NAMPT: variants seen among roughly 807,000 people sequenced by gnomAD.
NAMPT encodes nicotinamide phosphoribosyltransferase.
A neutral mutation model predicts 58.7 loss-of-function variants in NAMPT; 7 were observed. The ratio of observed to expected loss-of-function variants is 0.12; its 90% CI spans 0.07 to 0.22. The LOEUF (loss-of-function observed/expected upper bound fraction) is 0.22, where lower values mean the gene tolerates loss of function less well. Ranked by LOEUF, NAMPT falls within the 10% of genes least tolerant of loss-of-function variation. The probability of loss-of-function intolerance (pLI) is 1.00; values close to 1 mark genes in which losing one functional copy is unlikely to be tolerated. For synonymous variants in NAMPT, 145 were observed against 198.1 expected (o/e 0.73, Z 2.25); for missense variants, 271 against 567.9 (o/e 0.48, Z 5.31).
At chr7:106,252,353 A>G (rs1407561965) in intron 10 of NAMPT, among the ~76,000 whole-genome samples, 1 of 152,112 alleles carries the variant, frequency 6.6e-6, no homozygotes, top group Non-Finnish European at 1.5e-5. Context: ...TAACAAAGTT[A>G]TTTCAATTCT....
upstream of NAMPT, chr7:106,285,005 G>GAGAGGGGGAAACGGAGAGAGGGGA: frequency 1.4e-6 from 2 of 1,455,640 alleles, no homozygotes; most frequent in Non-Finnish European, 1.8e-6. Flanking sequence ...GGAGGAGGGG[G>GAGAGGGGGAAACGGAGAGAGGGGA]AGAGGGGGAA....
In NAMPT at chr7:106,254,416, T is replaced by A; in HGVS notation, c.1178A>T (p.Asp393Val). 1 of 1,613,938 alleles carries A rather than the reference T, an allele frequency of 6.2e-7. No individual in the cohort carries two copies. The highest frequency in any genetic ancestry group is 8.5e-7 in the Non-Finnish European group (1 of 1,179,848). ...GGGLLQKLTR[D>V]LLNCSFKCSY... ...ACACTTGAAGGAACAATTCAAGAGATCTCTTGTCAACTTCTGTAGCAAACC... is the reference window on the plus strand; with the variant it reads ...ACACTTGAAGGAACAATTCAAGAGAACTCTTGTCAACTTCTGTAGCAAACC... Residue 393 changes from aspartate (D) to valine (V), a missense_variant, in exon 9 of 11, where the codon GAT becomes GTT. Physicochemically the swap from Asp to Val is radical, Grantham distance 152. Coordinates refer to ENST00000222553, the MANE Select transcript of NAMPT (RefSeq NM_005746.3).
chr7:106,267,878 A>C lies in NAMPT; in HGVS notation c.743+586T>G, dbSNP rs1401153166. Among the ~76,000 whole-genome samples the C allele has an allele frequency of 3.0e-5, 4 of 131,166 alleles. No homozygotes were observed. The Admixed American group carries it at 3.1e-4, about 10-fold the overall frequency. 86.0% of individuals were successfully genotyped at this position (131,166 alleles called of 152,430 possible). A position where few individuals can be genotyped will look rare whatever the true frequency, so the allele number is the denominator to read the frequency against. On this transcript the variant is annotated intron_variant, in intron 6 of 10. Coordinates refer to ENST00000222553, the MANE Select transcript of NAMPT (RefSeq NM_005746.3). Reference sequence around the variant, plus strand: ...AAAAAAAAAAAAAAAAAAAAAAAACAACCTGATTTACTTTTAATAAAGTTA... The same window carrying C: ...AAAAAAAAAAAAAAAAAAAAAAAACCACCTGATTTACTTTTAATAAAGTTA...
chr7:106,251,711 A>T (rs1304973449), intron 10 of NAMPT, among the ~76,000 whole-genome samples: 1 of 152,158 alleles, frequency 6.6e-6, no homozygotes, highest in African/African-American at 2.4e-5. Flanking sequence ...AGAAACAAAG[A>T]AAAACAAGTA....
At chr7:106,268,854 C>T (rs181706888) in intron 5 of NAMPT, among the ~76,000 whole-genome samples, 6 of 152,320 alleles carry the variant, frequency 3.9e-5, no homozygotes, top group Non-Finnish European at 8.8e-5. Flanking sequence ...CTTTTCATCA[C>T]TCTCTCTTCC....
At chr7:106,263,816 G>A (rs1034991948) in intron 6 of NAMPT, among the ~76,000 whole-genome samples, 199 bp from the exon 7 acceptor site, 24 of 151,960 alleles carry the variant, frequency 1.6e-4, no homozygotes, top group African/African-American at 5.6e-4. Context: ...AGTTTTTAAC[G>A]CTTTAAGTAG....
intron 5 of NAMPT, among the ~76,000 whole-genome samples, 198 bp downstream of exon 5, chr7:106,268,956 A>G (rs1002792693): frequency 1.3e-5 from 2 of 152,138 alleles, no homozygotes; most frequent in Non-Finnish European, 2.9e-5. Context: ...CATCTAATAT[A>G]TAAAGGACAG....
intron 8 of NAMPT, among the ~76,000 whole-genome samples, chr7:106,258,035 A>C (rs1423511271): frequency 6.6e-6 from 1 of 152,194 alleles, no homozygotes; most frequent in East Asian, 1.9e-4. Flanking sequence ...GTGTCAGCTG[A>C]GATTGCTATG....
In NAMPT at chr7:106,250,354, T is replaced by G. The variant is rs1487748697; in HGVS notation, c.*729A>C. 2.0e-5 allele frequency: 3 copies of G among 152,398 alleles called. No individual in the cohort carries two copies. The highest frequency in any genetic ancestry group is 7.2e-5 in the African/African-American group (3 of 41,408). The allele number at this position is 152,398 out of a possible 1,614,324, so 9.4% of individuals were successfully genotyped here. A position where few individuals can be genotyped will look rare whatever the true frequency, so the allele number is the denominator to read the frequency against. ...ACATATAAAATTGCAGTACAGGCCTTTCAAATTTGGCATTTCACTGGTACA... is the reference window on the plus strand; with the variant it reads ...ACATATAAAATTGCAGTACAGGCCTGTCAAATTTGGCATTTCACTGGTACA... On this transcript the variant is annotated 3_prime_UTR_variant, in exon 11 of 11. Coordinates refer to ENST00000222553, the MANE Select transcript of NAMPT (RefSeq NM_005746.3).
At chr7:106,277,237 AC>A in intron 1 of NAMPT, 58 bp from the exon 2 acceptor site, 1 of 1,393,052 alleles carries the variant, frequency 7.2e-7, no homozygotes, top group Non-Finnish European at 9.9e-7. Flanking sequence ...ATAAATCACA[AC>A]AGAAAAGGCT....
rs190005829 is a variant in NAMPT at position 106,279,401 on chromosome 7, T to C, written c.58-2222A>G. Among the ~76,000 whole-genome samples the C allele has an allele frequency of 1.8e-3, 268 of 148,872 alleles. 1 individual carries two copies. The highest frequency in any genetic ancestry group is 6.1e-3 in the African/African-American group (253 of 41,324). ...AACACCCAACAAGTTTACAGAAGAATACAGAGCATGTTTAGGTCTACTTAT... is the reference window on the plus strand; with the variant it reads ...AACACCCAACAAGTTTACAGAAGAACACAGAGCATGTTTAGGTCTACTTAT... On this transcript the variant is annotated intron_variant, in intron 1 of 10. Coordinates refer to ENST00000222553, the MANE Select transcript of NAMPT (RefSeq NM_005746.3).
chr7:106,252,541 C>CA (rs1792121607), intron 10 of NAMPT, among the ~76,000 whole-genome samples: 1 of 151,682 alleles, frequency 6.6e-6, no homozygotes, highest in Non-Finnish European at 1.5e-5. Context: ...GCTTAAAAAC[C>CA]AAAAATTTTT....
At chr7:106,274,327 A>T (rs781751426) in intron 3 of NAMPT, among the ~76,000 whole-genome samples, 3 of 152,048 alleles carry the variant, frequency 2.0e-5, no homozygotes, top group Non-Finnish European at 4.4e-5. Flanking sequence ...TCTTTCTCAA[A>T]AATGTTATTT....
chr7:106,252,965 T>C, intron 10 of NAMPT, 52 bp downstream of exon 10: 1 of 1,573,646 alleles, frequency 6.4e-7, no homozygotes, highest in Non-Finnish European at 8.6e-7. Context: ...CTTATTAATT[T>C]GGTGAGCCAA....
In NAMPT at chr7:106,249,447, A is replaced by G. The variant is rs530021178; in HGVS notation, c.*1636T>C. 6.6e-5 allele frequency: 10 copies of G among 152,636 alleles called. No individual in the cohort carries two copies. In the South Asian group the frequency reaches 1.2e-3, roughly 19 times the overall value. 9.5% of individuals were successfully genotyped at this position (152,636 alleles called of 1,614,324 possible). Reference sequence around the variant, plus strand: ...AATGTCATGTTAAAAACTTTTCTAAATCAGTCTTCCAGTATCGGATTCTTA... The same window carrying G: ...AATGTCATGTTAAAAACTTTTCTAAGTCAGTCTTCCAGTATCGGATTCTTA... On this transcript the variant is annotated 3_prime_UTR_variant, in exon 11 of 11. Coordinates refer to ENST00000222553, the MANE Select transcript of NAMPT (RefSeq NM_005746.3).
chr7:106,256,452 A>T (rs1792200850), intron 8 of NAMPT, among the ~76,000 whole-genome samples: 1 of 152,248 alleles, frequency 6.6e-6, no homozygotes, highest in Non-Finnish European at 1.5e-5. Context: ...TCAAAATTAC[A>T]GCATCTAATT....
intron 1 of NAMPT, 70 bp from the exon 2 acceptor site, chr7:106,277,249 T>C: frequency 7.7e-7 from 1 of 1,298,762 alleles, no homozygotes; most frequent in South Asian, 1.4e-5. Flanking sequence ...AGAAAAGGCT[T>C]GAAGTTATTT....
chr7:106,285,184 C>T (rs1792849713), upstream of NAMPT: 3 of 1,217,984 alleles, frequency 2.5e-6, no homozygotes, highest in Non-Finnish European at 3.1e-6. Flanking sequence ...AAGGGCGGGG[C>T]GCGGCAGCGC....
intron 1 of NAMPT, among the ~76,000 whole-genome samples, chr7:106,279,497 A>G (rs36065267): frequency 6.6e-6 from 1 of 152,240 alleles, no homozygotes; most frequent in Non-Finnish European, 1.5e-5. Context: ...AGTATTTCTA[A>G]CAATGTAGTC....
Sources: allele counts gnomAD v4.1 joint callset (sites outside exome capture counted in the v4.1 genomes callset), GRCh38; gene constraint gnomAD v4.1.1; transcripts MANE v1.5; gene names NCBI Gene and HGNC (gene_info 2026-07-23, HGNC 2026-07-21).